TENT4B: variants seen among roughly 807,000 people sequenced by gnomAD.
The protein encoded by TENT4B is terminal nucleotidyltransferase 4B, also known as PAP associated domain containing 5.
In TENT4B, 10 loss-of-function variants were observed where a neutral mutation model predicts 75.0. The ratio of observed to expected loss-of-function variants is 0.13; its 90% CI spans 0.08 to 0.23. The LOEUF is 0.23. TENT4B is among the 10% of genes least tolerant of loss of function. The pLI is 1.00. For synonymous variants in TENT4B, 350 were observed against 357.7 expected, an observed-to-expected ratio of 0.98 and a Z score of 0.24; for missense variants, 579 against 893.8, an observed-to-expected ratio of 0.65 and a Z score of 4.49.
rs868103458 is a variant in TENT4B at position 50,232,564 on chromosome 16, G to C, written c.*3236G>C. On this transcript the variant is annotated 3_prime_UTR_variant, in exon 12 of 12. Coordinates refer to ENST00000561678, the MANE Select transcript of TENT4B (RefSeq NM_001365324.3). ...GAAATGGTAAGTGTGACTTGTGTTT[G>C]CCTGAACCTGTGGACTAGTGTTTGG... is the stretch of plus-strand genomic sequence containing the variant. The C allele has an allele frequency of 1.1e-5, 11 of 985,152 alleles. No homozygotes were observed. The South Asian group carries it at 4.7e-4, about 42-fold the overall frequency. 61.0% of individuals were successfully genotyped at this position (985,152 alleles called of 1,614,324 possible).
At chr16:50,225,015 G>A (rs747359392) in intron 9 of TENT4B, 21 bp downstream of exon 9, 9 of 1,610,830 alleles carry the variant, frequency 5.6e-6, no homozygotes, top group African/African-American at 4.0e-5. Context: ...TTCCTTGGTC[G>A]ATTGACTGAG....
chr16:50,155,165 A>G (rs193232173), intron 1 of TENT4B, among the ~76,000 whole-genome samples: 1 of 152,162 alleles, frequency 6.6e-6, no homozygotes, highest in Non-Finnish European at 1.5e-5. Flanking sequence ...AATTATGTAC[A>G]TAAGCAGGGA....
At chr16:50,213,150 C>T (rs1366328572) in intron 2 of TENT4B, among the ~76,000 whole-genome samples, 2 of 152,074 alleles carry the variant, frequency 1.3e-5, no homozygotes, top group Admixed American at 6.6e-5. Context: ...GCCTTTGCCT[C>T]CCAGGTTCAA....
chr16:50,166,454 G>A (rs1305934668), intron 1 of TENT4B, among the ~76,000 whole-genome samples: 1 of 152,166 alleles, frequency 6.6e-6, no homozygotes, highest in Non-Finnish European at 1.5e-5. Flanking sequence ...TGTGTCATTT[G>A]TGATTTTGAT....
intron 1 of TENT4B, among the ~76,000 whole-genome samples, chr16:50,206,354 A>AT (rs35118426): frequency 3.6e-3 from 345 of 96,504 alleles, no homozygotes; most frequent in South Asian, 7.2e-3. Context: ...ATATGTATGT[A>AT]TTTTTTTTTT....
intron 1 of TENT4B, 65 bp from the exon 2 acceptor site, chr16:50,211,254 ATTAT>A (rs2031262254): frequency 7.0e-7 from 1 of 1,430,052 alleles, no homozygotes; most frequent in Non-Finnish European, 9.2e-7. Flanking sequence ...ATTAGATAAG[ATTAT>A]TTAAGATAGT....
chr16:50,188,963 A>G (rs1033215600), intron 1 of TENT4B, among the ~76,000 whole-genome samples: 3 of 152,160 alleles, frequency 2.0e-5, no homozygotes, highest in Non-Finnish European at 4.4e-5. Flanking sequence ...CATAGTAACC[A>G]TTTATAGGAC....
chr16:50,203,473 C>T (rs2030772224), intron 1 of TENT4B, among the ~76,000 whole-genome samples: 1 of 152,210 alleles, frequency 6.6e-6, no homozygotes, highest in Admixed American at 6.5e-5. Flanking sequence ...ATTAGGCATT[C>T]CACTTGTAAA....
At chr16:50,154,746 A>G (rs2037857500) in intron 1 of TENT4B, among the ~76,000 whole-genome samples, 1 of 152,056 alleles carries the variant, frequency 6.6e-6, no homozygotes, top group South Asian at 2.1e-4. Context: ...TTTCCTTGCC[A>G]AGAATAGAAA....
rs1447199116 is a variant in TENT4B at position 50,231,872 on chromosome 16, CTCCTA to C, written c.*2547_*2551del. Reference sequence around the variant, plus strand: ...TGTTTTATACATTTCATCTATTTGACTCCTATCTTATTTCTTTTTTGAGTTTTAAT... The same window carrying C: ...TGTTTTATACATTTCATCTATTTGACTCTTATTTCTTTTTTGAGTTTTAAT... On this transcript the variant is annotated 3_prime_UTR_variant, in exon 12 of 12. Transcript: ENST00000561678. 9 of 982,350 alleles carry C rather than the reference CTCCTA, an allele frequency of 9.2e-6. No individual in the cohort carries two copies. The East Asian group carries it at 4.5e-4, about 50-fold the overall frequency. The allele number at this position is 982,350 out of a possible 1,614,324, so 60.9% of individuals were successfully genotyped here.
intron 1 of TENT4B, among the ~76,000 whole-genome samples, chr16:50,197,698 A>G (rs555262064): frequency 6.6e-6 from 1 of 152,330 alleles, no homozygotes; most frequent in Middle Eastern, 3.4e-3. Context: ...ATGAATGGAA[A>G]GAGGAAAGTG....
intron 1 of TENT4B, among the ~76,000 whole-genome samples, chr16:50,159,641 T>C (rs1445090140): frequency 6.6e-6 from 1 of 152,200 alleles, no homozygotes; most frequent in Admixed American, 6.5e-5. Context: ...TGAAAGAATT[T>C]AGAGGCCTTT....
intron 1 of TENT4B, among the ~76,000 whole-genome samples, chr16:50,198,186 G>A (rs894271119): frequency 6.7e-6 from 1 of 150,350 alleles, no homozygotes; most frequent in African/African-American, 2.4e-5. Context: ...GGAGGCCAAC[G>A]TGGGTGGATC....
intron 1 of TENT4B, among the ~76,000 whole-genome samples, chr16:50,203,570 A>G (rs1470178092): frequency 6.6e-6 from 1 of 152,108 alleles, no homozygotes; most frequent in South Asian, 2.1e-4. Flanking sequence ...TCCTTTGCCT[A>G]CATTCTGAAA....
intron 1 of TENT4B, among the ~76,000 whole-genome samples, chr16:50,188,832 C>T (rs2038585307): frequency 6.6e-6 from 1 of 152,160 alleles, no homozygotes; most frequent in African/African-American, 2.4e-5. Flanking sequence ...CCATTGTGCT[C>T]CAGCCTGGGC....
chr16:50,185,864 C>T (rs2076431434), intron 1 of TENT4B, among the ~76,000 whole-genome samples: 2 of 152,036 alleles, frequency 1.3e-5, no homozygotes, highest in Admixed American at 1.3e-4. Flanking sequence ...CCTTTCCATC[C>T]GTACTTTTAT....
intron 1 of TENT4B, among the ~76,000 whole-genome samples, chr16:50,173,618 ATATCT>A (rs1422035049): frequency 6.6e-6 from 1 of 152,158 alleles, no homozygotes; most frequent in African/African-American, 2.4e-5. Context: ...ATATGTAGTG[ATATCT>A]TGTCTTACTT....
intron 1 of TENT4B, among the ~76,000 whole-genome samples, chr16:50,162,520 G>A (rs904643062): frequency 5.3e-5 from 8 of 152,056 alleles, no homozygotes; most frequent in Non-Finnish European, 7.4e-5. Flanking sequence ...TGTAGTGATA[G>A]CCTGTTTTGC....
chr16:50,214,863 T>G (rs1040835829), intron 3 of TENT4B, among the ~76,000 whole-genome samples: 2 of 152,212 alleles, frequency 1.3e-5, no homozygotes, highest in African/African-American at 4.8e-5. Flanking sequence ...CTTAACCCAC[T>G]GACACAGATG....
Sources: allele counts gnomAD v4.1 joint callset (sites outside exome capture counted in the v4.1 genomes callset), GRCh38; gene constraint gnomAD v4.1.1; transcripts MANE v1.5; gene names NCBI Gene and HGNC (gene_info 2026-07-23, HGNC 2026-07-21).